PARD3B: variants seen among roughly 807,000 people sequenced by gnomAD.
PARD3B encodes the protein par-3 family cell polarity regulator beta.
A neutral mutation model predicts 130.2 loss-of-function variants in PARD3B; 103 were observed. The observed-to-expected ratio is 0.79, with a 90% CI of 0.67 to 0.93. The LOEUF is 0.93. PARD3B is among the 40% of genes least tolerant of loss of function. The pLI, the probability that PARD3B is intolerant of heterozygous loss-of-function variation, is 0.00. For missense variants in PARD3B, 1,609 were observed against 1,499.2 expected (o/e 1.07, Z -1.21); for synonymous variants, 583 against 553.2 (o/e 1.05, Z -0.76).
intron 2 of PARD3B, among the ~76,000 whole-genome samples, chr2:204,802,072 A>T (rs1462465471): frequency 6.6e-6 from 1 of 152,188 alleles, no homozygotes. Flanking sequence ...ATTGTAGTGG[A>T]TAAGATTTTT....
At chr2:205,223,120 G>A (rs767203728) in intron 15 of PARD3B, among the ~76,000 whole-genome samples, 43 of 152,094 alleles carry the variant, frequency 2.8e-4, no homozygotes, top group Non-Finnish European at 5.3e-4. Context: ...AAACATGTGA[G>A]ATCAGCGGCA....
At chr2:205,171,879 A>T (rs1193331180) in intron 11 of PARD3B, among the ~76,000 whole-genome samples, 1 of 152,190 alleles carries the variant, frequency 6.6e-6, no homozygotes, top group Non-Finnish European at 1.5e-5. Flanking sequence ...AGTCAACAAC[A>T]TGGTCTCCGC....
intron 3 of PARD3B, among the ~76,000 whole-genome samples, chr2:205,035,090 T>A (rs1697713847): frequency 6.6e-6 from 1 of 152,048 alleles, no homozygotes; most frequent in South Asian, 2.1e-4. Flanking sequence ...CTCGAACTCC[T>A]AACCTCAGGT....
At chr2:205,382,106 T>G (rs1330571891) in intron 18 of PARD3B, among the ~76,000 whole-genome samples, 2 of 152,152 alleles carry the variant, frequency 1.3e-5, no homozygotes, top group Non-Finnish European at 2.9e-5. Context: ...CCTACAAAAC[T>G]TATTTGAATT....
Position 205,530,527 on chromosome 2 carries a change from G to A in PARD3B, c.3181-22797G>A, listed in dbSNP as rs1861439. Among the ~76,000 whole-genome samples, 136,975 of 152,170 alleles carry A rather than the reference G, an allele frequency of 0.9. 62,448 individuals carry two copies. Among genetic ancestry groups the A allele is most frequent in the Non-Finnish European group, 0.98 (66,398 of 68,038 alleles). On this transcript the variant is annotated intron_variant, in intron 21 of 22. Transcript: ENST00000406610. This position sits in a 1 kb window ranked among gnomAD's most constrained non-coding sequence, Gnocchi z 4.7. ...TTCTTCCAGAATACAGCGTGCTCTG[G>A]TTAGTACAATAGCTAAGGGTTCAGA...
intron 14 of PARD3B, among the ~76,000 whole-genome samples, chr2:205,192,217 G>A (rs1162294176): frequency 2.6e-5 from 4 of 152,056 alleles, no homozygotes; most frequent in African/African-American, 9.7e-5. Flanking sequence ...ATTTTAGAAG[G>A]ATTTTCTTTC....
At chr2:204,685,265 G>A (rs1313972925) in intron 1 of PARD3B, among the ~76,000 whole-genome samples, 5 of 152,018 alleles carry the variant, frequency 3.3e-5, no homozygotes, top group Admixed American at 3.3e-4. Flanking sequence ...TAGCTCAAAA[G>A]TTTCCCACTT....
intron 2 of PARD3B, among the ~76,000 whole-genome samples, chr2:204,962,361 T>A (rs1690815934): frequency 6.6e-6 from 1 of 152,124 alleles, no homozygotes; most frequent in African/African-American, 2.4e-5. Flanking sequence ...GAGGTGTCAG[T>A]GGAAGTTCTT....
chr2:204,676,758 C>T (rs2036568517), intron 1 of PARD3B, among the ~76,000 whole-genome samples: 1 of 151,330 alleles, frequency 6.6e-6, no homozygotes, highest in Non-Finnish European at 1.5e-5. Context: ...CAACCTCCAC[C>T]TCCTGGATTC....
At chr2:204,761,796 CAG>C (rs1242209087) in intron 2 of PARD3B, among the ~76,000 whole-genome samples, 2 of 152,146 alleles carry the variant, frequency 1.3e-5, no homozygotes, top group East Asian at 3.9e-4. Flanking sequence ...CCATGTCAAA[CAG>C]TGATTTATCT....
In PARD3B at chr2:204,907,044, G is replaced by A. The variant is rs769727082; in HGVS notation, c.223-58108G>A. ...CGCCCAGGCTGGAGTTCAGTGGCAC[G>A]ATCTCGGCTCACTGTAACCTCCACC... On this transcript the variant is annotated intron_variant, in intron 2 of 22. Coordinates refer to ENST00000406610, the MANE Select transcript of PARD3B (RefSeq NM_001302769.2). This position sits in a 1 kb window ranked among gnomAD's most constrained non-coding sequence, Gnocchi z 5.7. 5.3e-5 allele frequency among the ~76,000 whole-genome samples: 8 copies of A among 151,830 alleles called. No homozygotes were observed. The highest frequency in any genetic ancestry group is 4.6e-4 in the Admixed American group (7 of 15,254).
At chr2:204,915,293 A>G (rs2047402081) in intron 2 of PARD3B, among the ~76,000 whole-genome samples, 1 of 152,240 alleles carries the variant, frequency 6.6e-6, no homozygotes, top group South Asian at 2.1e-4. Flanking sequence ...TAAACTATCT[A>G]ATTAATAAAA....
chr2:205,167,314 T>A (rs66997919), intron 11 of PARD3B, among the ~76,000 whole-genome samples: 1 of 151,798 alleles, frequency 6.6e-6, no homozygotes, highest in Non-Finnish European at 1.5e-5. Context: ...GACCCCTCAC[T>A]CCAAAGAATT....
intron 18 of PARD3B, among the ~76,000 whole-genome samples, chr2:205,377,828 T>A (rs1269002311): frequency 6.9e-6 from 1 of 144,772 alleles, no homozygotes; most frequent in African/African-American, 2.7e-5. Flanking sequence ...TGGAGTGCAA[T>A]GGTGAGGTCT....
chr2:204,645,845 G>A (rs1188060144), intron 1 of PARD3B, among the ~76,000 whole-genome samples: 1 of 152,078 alleles, frequency 6.6e-6, no homozygotes, highest in African/African-American at 2.4e-5. Context: ...TGACATGGAA[G>A]TATAATATTT....
At chr2:205,195,531 A>G (rs1366128702) in intron 15 of PARD3B, among the ~76,000 whole-genome samples, 2 of 152,212 alleles carry the variant, frequency 1.3e-5, no homozygotes. Context: ...CCTTCTCAAT[A>G]TGAAATTCAC....
chr2:205,613,642 CACAA>C (rs774263189), intron 22 of PARD3B, among the ~76,000 whole-genome samples: 4 of 152,164 alleles, frequency 2.6e-5, no homozygotes, highest in South Asian at 2.1e-4. Flanking sequence ...ATAACTTGTA[CACAA>C]ACAATTTAAT....
chr2:204,804,795 A>G (rs1259508873), intron 2 of PARD3B, among the ~76,000 whole-genome samples: 4 of 152,216 alleles, frequency 2.6e-5, no homozygotes, highest in South Asian at 4.1e-4. Context: ...TTCTCTGACA[A>G]CAATGGAATA....
chr2:204,989,494 G>A (rs984486303), intron 3 of PARD3B, among the ~76,000 whole-genome samples: 3 of 152,092 alleles, frequency 2.0e-5, no homozygotes, highest in Non-Finnish European at 2.9e-5. Context: ...GAGAAGCAAC[G>A]CAGTGAGCAC....
Sources: gnomAD v4.1 joint callset for allele counts (sites outside exome capture counted in the v4.1 genomes callset) on GRCh38, gnomAD v4.1.1 for gene constraint, Gnocchi (gnomAD v3.1) non-coding constraint, MANE v1.5 for transcripts, NCBI Gene and HGNC (gene_info 2026-07-23, HGNC 2026-07-21) for gene names.